TPRG1: variants seen among roughly 807,000 people sequenced by gnomAD.
The protein encoded by TPRG1 is tumor protein p63 regulated 1.
TPRG1 carries 29 observed loss-of-function variants against 29.3 expected under a neutral mutation model. The ratio of observed to expected loss-of-function variants is 0.99; its 90% CI spans 0.74 to 1.35. The LOEUF (loss-of-function observed/expected upper bound fraction) is 1.35. TPRG1 is among the 40% of genes most tolerant of loss of function. The pLI, the probability that TPRG1 is intolerant of heterozygous loss-of-function variation, is 0.00. For synonymous variants in TPRG1, 130 were observed against 116.8 expected (o/e 1.11, Z -0.73); for missense variants, 327 against 335.0 (o/e 0.98, Z 0.19).
chr3:189,178,566 T>C (rs1729803315), intron 1 of TPRG1, among the ~76,000 whole-genome samples: 1 of 152,246 alleles, frequency 6.6e-6, no homozygotes, highest in African/African-American at 2.4e-5. Context: ...ACTTGATTGA[T>C]GTACATAGGC....
At chr3:189,085,335 G>T (rs1215587129) in intron 4 of TPRG1, among the ~76,000 whole-genome samples, 1 of 152,138 alleles carries the variant, frequency 6.6e-6, no homozygotes, top group Non-Finnish European at 1.5e-5. Context: ...CATAGTATTT[G>T]CAAGACATGC....
rs181773794 is a variant in TPRG1, at chr3:189,260,131, C to T, written c.479+21222C>T. 1.4e-3 allele frequency among the ~76,000 whole-genome samples: 206 copies of T among 152,196 alleles called. 1 individual carries two copies. The highest frequency in any genetic ancestry group is 4.4e-3 in the African/African-American group (183 of 41,528). ...GCAAGTTACTTAACAATCCATGCGT[C>T]GGTCTTCCCATTTGTAAACTGGAGG... On this transcript the variant is annotated intron_variant, in intron 4 of 5. Transcript: ENST00000345063.
In TPRG1 at chr3:189,156,355, T is replaced by TA. The variant is rs35527713; in HGVS notation, c.-10+5498dup. The stretch of plus-strand genomic sequence containing the variant: ...GATGCCTGACCTCCAGAACTATAAG[T>TA]AAAAAAAAAAAAAAATTATGTTGTG... On this transcript the variant is annotated intron_variant, in intron 5 of 6. Coordinates refer to the TPRG1 transcript ENST00000412373. Among the ~76,000 whole-genome samples, 165 of 100,864 alleles carry TA rather than the reference T, an allele frequency of 1.6e-3. No individual in the cohort carries two copies. In the East Asian group the frequency reaches 0.024, roughly 14 times the overall value. 66.2% of individuals were successfully genotyped at this position (100,864 alleles called of 152,430 possible).
intron 4 of TPRG1, among the ~76,000 whole-genome samples, chr3:189,284,092 A>G (rs536136984): frequency 6.6e-6 from 1 of 152,214 alleles, no homozygotes; most frequent in Admixed American, 6.5e-5. Context: ...AGTCTCACCC[A>G]CGTTTCCCAG....
chr3:189,309,927 A>G (rs6444365), intron 4 of TPRG1: 84,498 of 152,194 alleles, frequency 0.56, 24,503 homozygotes, highest in African/African-American at 0.7. Flanking sequence ...CTCAAAAATC[A>G]TGTATATTCT....
chr3:189,023,264 A>G (rs1452951637), intron 3 of TPRG1, among the ~76,000 whole-genome samples: 1 of 152,112 alleles, frequency 6.6e-6, no homozygotes, highest in African/African-American at 2.4e-5. Flanking sequence ...GAGCTCTGAG[A>G]TTCTTTACTC....
chr3:189,315,757 C>A (rs1723410091), intron 5 of TPRG1: 3 of 223,416 alleles, frequency 1.3e-5, no homozygotes, highest in Non-Finnish European at 9.2e-6. Context: ...TGGCAGTGAC[C>A]ATTACATGAT....
chr3:189,078,068 CCTTTCTCT>C (rs1553899954), intron 4 of TPRG1, among the ~76,000 whole-genome samples: 7 of 124,072 alleles, frequency 5.6e-5, no homozygotes, highest in Non-Finnish European at 4.9e-5. Flanking sequence ...TCCTTTCTCT[CCTTTCTCT>C]CTTTCTCTCT....
intron 1 of TPRG1, among the ~76,000 whole-genome samples, chr3:189,106,827 A>C (rs765187451): frequency 6.6e-6 from 1 of 152,038 alleles, no homozygotes; most frequent in Non-Finnish European, 1.5e-5. Context: ...CATCTGATGA[A>C]CCTAGGGCCC....
At chr3:189,071,921 G>T (rs933108818) in intron 4 of TPRG1, among the ~76,000 whole-genome samples, 1 of 152,142 alleles carries the variant, frequency 6.6e-6, no homozygotes, top group East Asian at 1.9e-4. Flanking sequence ...AGCTGGGTTC[G>T]GGAAAACTGT....
chr3:189,181,680 C>A (rs1455800134), intron 1 of TPRG1, among the ~76,000 whole-genome samples: 5 of 152,190 alleles, frequency 3.3e-5, no homozygotes, highest in Non-Finnish European at 7.3e-5. Flanking sequence ...AAGTCTCAAA[C>A]TTTCCCATAT....
At chr3:189,052,408 C>T (rs1224574576) in intron 4 of TPRG1, among the ~76,000 whole-genome samples, 10 of 152,164 alleles carry the variant, frequency 6.6e-5, no homozygotes, top group Non-Finnish European at 7.4e-5. Flanking sequence ...CTTACTCCTG[C>T]GAGAATGGCC....
At chr3:189,259,672 G>A (rs753187511) in intron 4 of TPRG1, among the ~76,000 whole-genome samples, 11 of 151,956 alleles carry the variant, frequency 7.2e-5, no homozygotes, top group Non-Finnish European at 1.2e-4. Context: ...GTTTCAGCAC[G>A]TTGGCCAGGC....
At chr3:189,243,767 T>C (rs1160864933) in intron 4 of TPRG1, among the ~76,000 whole-genome samples, 1 of 152,184 alleles carries the variant, frequency 6.6e-6, no homozygotes, top group Non-Finnish European at 1.5e-5. Flanking sequence ...CACAGATACC[T>C]AGGGCAGAGG....
At chr3:189,226,813 GAA>G (rs1431421955) in intron 3 of TPRG1, among the ~76,000 whole-genome samples, 1 of 130,942 alleles carries the variant, frequency 7.6e-6, no homozygotes, top group African/African-American at 2.8e-5. Flanking sequence ...AAAAAAAAAA[GAA>G]AAAGAAAAAA....
chr3:189,147,295 C>T (rs1216839324), intron 3 of TPRG1, among the ~76,000 whole-genome samples: 1 of 152,190 alleles, frequency 6.6e-6, no homozygotes, highest in South Asian at 2.1e-4. Flanking sequence ...TCTAATATAA[C>T]CTCTGCTCTA....
chr3:189,234,226 G>T (rs1222557906), intron 3 of TPRG1, among the ~76,000 whole-genome samples: 2 of 152,128 alleles, frequency 1.3e-5, no homozygotes, highest in Non-Finnish European at 2.9e-5. Context: ...TGTGGGTAGG[G>T]GAGGTGAGGG....
chr3:189,054,584 T>C (rs998685033), intron 4 of TPRG1, among the ~76,000 whole-genome samples: 1 of 151,816 alleles, frequency 6.6e-6, no homozygotes, highest in Non-Finnish European at 1.5e-5. Flanking sequence ...CTGGACAACA[T>C]AGTAAGACAA....
intron 4 of TPRG1, among the ~76,000 whole-genome samples, chr3:189,240,096 C>T (rs903930065): frequency 6.6e-6 from 1 of 152,078 alleles, no homozygotes; most frequent in East Asian, 1.9e-4. Flanking sequence ...CAGAAAAAAG[C>T]ACGAGTTCAT....
Sources: allele counts gnomAD v4.1 joint callset (sites outside exome capture counted in the v4.1 genomes callset), GRCh38; gene constraint gnomAD v4.1.1; transcripts MANE v1.5; gene names NCBI Gene and HGNC (gene_info 2026-07-23, HGNC 2026-07-21).